DNAAF8: variants seen among roughly 807,000 people sequenced by gnomAD.
The protein encoded by DNAAF8 is dynein axonemal assembly factor 8.
In DNAAF8, 61 loss-of-function variants were observed where a neutral mutation model predicts 54.6. That is an observed-to-expected ratio of 1.12 (90% CI 0.91 to 1.38). The LOEUF is 1.38. Ranked by LOEUF, DNAAF8 falls within the 40% of genes most tolerant of loss-of-function variation. The pLI is 0.00. For synonymous variants in DNAAF8, 320 were observed against 270.1 expected (o/e 1.18, Z -1.81); for missense variants, 837 against 665.0 (o/e 1.26, Z -2.85).
rs745577763 is a variant in DNAAF8, at chr16:4,740,497, A to G, written c.621A>G (p.Ile207Met). 1 of 1,614,110 alleles carries G rather than the reference A, an allele frequency of 6.2e-7. No individual in the cohort carries two copies. The highest frequency in any genetic ancestry group is 8.5e-7 in the Non-Finnish European group (1 of 1,180,012). Reference protein sequence around the residue: ...RALRQERRKMIETDILQKVTR... With the variant: ...RALRQERRKMMETDILQKVTR... ...TCCGACAGGAGAGAAGGAAGATGAT[A>G]GAGACGGACATCCTCCAGAAAGTCA... The change falls in exon 4 of 10, where the codon ATA (isoleucine) becomes ATG (methionine). Residue 207 changes from isoleucine (I) to methionine (M), a missense_variant. Transcript: ENST00000299320.
chr16:4,739,143 A>AG (rs2081929080), intron 3 of DNAAF8, among the ~76,000 whole-genome samples: 1 of 151,974 alleles, frequency 6.6e-6, no homozygotes, highest in South Asian at 2.1e-4. Flanking sequence ...CACACAAGAG[A>AG]GATCCCCAGG....
chr16:4,737,131 A>AT (rs1209367747), intron 2 of DNAAF8, among the ~76,000 whole-genome samples: 1 of 152,196 alleles, frequency 6.6e-6, no homozygotes, highest in East Asian at 1.9e-4. Context: ...AGGTGCAGGC[A>AT]TAAGACCCTG....
Position 4,743,034 on chromosome 16 carries a change from T to A in DNAAF8, c.784-9T>A, listed in dbSNP as rs771727509. The A allele has an allele frequency of 1.9e-6, 3 of 1,592,442 alleles. No homozygotes were observed. The highest frequency in any genetic ancestry group is 2.6e-6 in the Non-Finnish European group (3 of 1,160,986). ...GCATCCTCATAATCACTGGTTTTAA[T>A]GATTTCAGCAACTTGAAGCGTGGGA... On this transcript the variant is annotated splice_polypyrimidine_tract_variant and intron_variant, in intron 4 of 9. Transcript: ENST00000299320.
chr16:4,745,952 CAAAAA>C (rs58259917), intron 6 of DNAAF8, among the ~76,000 whole-genome samples: 3 of 113,506 alleles, frequency 2.6e-5, no homozygotes, highest in Admixed American at 9.6e-5. Flanking sequence ...GACTCTGTCT[CAAAAA>C]AAAAAAAAAA....
At position 4,747,609 on chromosome 16, in the gene DNAAF8, C is replaced by T. The variant is rs750998553; in HGVS notation, c.1547C>T (p.Pro516Leu). The change falls in exon 9 of 10, where the codon CCT becomes CTT. Residue 516 changes from proline (P) to leucine (L), a missense_variant. By Grantham distance (98) the Pro-to-Leu change is moderately conservative (BLOSUM62 -3). Transcript: ENST00000299320. ...PGAAREALMP[P>L]LEQL ...GCAGCCAGGGAGGCCCTGATGCCTC[C>T]TCTGGAGCAACTATAGCTGCCTCAG... is the stretch of plus-strand genomic sequence containing the variant. The T allele has an allele frequency of 6.2e-7, 1 of 1,607,654 alleles. No homozygotes were observed. The highest frequency in any genetic ancestry group is 8.5e-7 in the Non-Finnish European group (1 of 1,177,432).
rs1220227414 is a variant in DNAAF8, at chr16:4,734,767, TG to T, written c.-52+72del. The T allele has an allele frequency of 3.3e-5, 5 of 151,518 alleles. 1 individual carries two copies. Among genetic ancestry groups the T allele is most frequent in the Admixed American group, 2.0e-4 (3 of 15,204 alleles). 9.4% of individuals were successfully genotyped at this position (151,518 alleles called of 1,614,324 possible). ...AACGCGGGGAAATACGGGCTGGGGG[TG>T]GGTGAGAGGAGGAGCGATGGGCTTT... On this transcript the variant is annotated intron_variant, in intron 1 of 9. Coordinates refer to ENST00000299320, the MANE Select transcript of DNAAF8 (RefSeq NM_139170.3).
Position 4,746,398 on chromosome 16 carries a change from C to T in DNAAF8, c.1067C>T (p.Ser356Phe), listed in dbSNP as rs61746912. Reference sequence around the variant, plus strand: ...AGATGTGCCTCAAGGAAGCAGGGCTCCCAGGCTGGGCCAGGCCCGCAGCTG... The same window carrying T: ...AGATGTGCCTCAAGGAAGCAGGGCTTCCAGGCTGGGCCAGGCCCGCAGCTG... ...GSRCASRKQG[S>F]QAGPGPQLAQ... Residue 356 changes from serine (S) to phenylalanine (F), a missense_variant, in exon 7 of 10, where the codon TCC becomes TTC. By Grantham distance (155) the Ser-to-Phe change is radical. Coordinates refer to ENST00000299320, the MANE Select transcript of DNAAF8 (RefSeq NM_139170.3). The T allele has an allele frequency of 0.065, 104,376 of 1,612,750 alleles. 4,922 individuals are homozygous for T. The highest frequency in any genetic ancestry group is 0.21 in the South Asian group (19,354 of 91,010).
chr16:4,746,832 G>T, intron 7 of DNAAF8, 95 bp from the exon 8 acceptor site: 1 of 1,177,108 alleles, frequency 8.5e-7, no homozygotes, highest in Non-Finnish European at 1.2e-6. Flanking sequence ...CTCTTGCATT[G>T]GGTCACCAGC....
At chr16:4,740,682 C>G in intron 4 of DNAAF8, 23 bp downstream of exon 4, 1 of 1,556,950 alleles carries the variant, frequency 6.4e-7, no homozygotes, top group Non-Finnish European at 8.6e-7. Context: ...CCGTGCCTGG[C>G]TGTTTCTCAG....
chr16:4,737,091 G>C, intron 2 of DNAAF8, among the ~76,000 whole-genome samples: 1 of 152,090 alleles, frequency 6.6e-6, no homozygotes, highest in Non-Finnish European at 1.5e-5. Context: ...CCCTGAAATG[G>C]CTCTCAAAGA....
In DNAAF8 at chr16:4,748,976, G is replaced by C. The variant is rs1017874607; in HGVS notation, c.*261G>C. ...ACTGGCCGCCAAGATCAGGGCTACA[G>C]ATGTCTGCTCTCTGGACCCCACGTG... is the stretch of plus-strand genomic sequence containing the variant. On this transcript the variant is annotated 3_prime_UTR_variant, in exon 10 of 10. Transcript: ENST00000299320. The C allele has an allele frequency of 6.6e-6, 1 of 152,312 alleles. No individual in the cohort carries two copies. Among genetic ancestry groups the C allele is most frequent in the Admixed American group, 6.5e-5 (1 of 15,284 alleles). The allele number at this position is 152,312 out of a possible 1,614,324, so 9.4% of individuals were successfully genotyped here.
At chr16:4,745,119 C>A in intron 6 of DNAAF8, 108 bp downstream of exon 6, 1 of 1,375,062 alleles carries the variant, frequency 7.3e-7, no homozygotes, top group Non-Finnish European at 9.9e-7. Context: ...TGCATTTTCT[C>A]AGTCACTCTC....
intron 9 of DNAAF8, among the ~76,000 whole-genome samples, chr16:4,748,030 T>G (rs2082039924): frequency 1.3e-5 from 2 of 152,094 alleles, no homozygotes; most frequent in East Asian, 3.8e-4. Flanking sequence ...TAAAACGTAT[T>G]TAGAGGATTT....
intron 1 of DNAAF8, among the ~76,000 whole-genome samples, chr16:4,736,263 A>G (rs1040303332): frequency 1.4e-5 from 2 of 144,660 alleles, no homozygotes; most frequent in African/African-American, 5.1e-5. Flanking sequence ...CAGGCTCCAC[A>G]TGTGTGCATG....
At chr16:4,748,000 A>G (rs2082039521) in intron 9 of DNAAF8, among the ~76,000 whole-genome samples, 1 of 152,120 alleles carries the variant, frequency 6.6e-6, no homozygotes, top group Non-Finnish European at 1.5e-5. Context: ...TCCATCAATA[A>G]GGTCTTTTTA....
chr16:4,747,186 C>A, intron 8 of DNAAF8, 157 bp from the exon 9 acceptor site: 1 of 1,227,802 alleles, frequency 8.1e-7, no homozygotes, highest in Non-Finnish European at 1.1e-6. Flanking sequence ...CCCACGTCCA[C>A]TGGGTCCCAG....
In DNAAF8 at chr16:4,740,263, CT is replaced by C; in HGVS notation, c.388del (p.Ser130LeufsTer65). The part of the protein sequence containing the change: ...GRDPGRPFES[S>X]GEVSALLGMA... ...GAGACCCTGGCAGGCCTTTTGAAAG[CT>C]CTGGTGAGGTCAGCGCTCTTCTTGG... On this transcript the variant is annotated frameshift_variant, in exon 4 of 10. Coordinates refer to ENST00000299320, the MANE Select transcript of DNAAF8 (RefSeq NM_139170.3). LOFTEE classifies it high-confidence loss of function. 1 of 1,614,020 alleles carries C rather than the reference CT, an allele frequency of 6.2e-7. No homozygotes were observed. The highest frequency in any genetic ancestry group is 8.5e-7 in the Non-Finnish European group (1 of 1,179,982).
rs1371605139 is a variant in DNAAF8 at position 4,740,462 on chromosome 16, C to CG, written c.587dup (p.Arg197ProfsTer30). ...CACTGCCTCACAAGAATCTGTGAAC[C>CG]GCCGGGCCCTCCGACAGGAGAGAAG... On this transcript the variant is annotated frameshift_variant, in exon 4 of 10. Transcript: ENST00000299320. LOFTEE classifies it high-confidence loss of function. The CG allele has an allele frequency of 1.2e-6, 2 of 1,613,878 alleles. No homozygotes were observed. Among genetic ancestry groups the CG allele is most frequent in the Non-Finnish European group, 1.7e-6 (2 of 1,179,956 alleles).
At chr16:4,739,265 G>GTTTTTTTTTTTTTTTGT (rs2081932137) in intron 3 of DNAAF8, among the ~76,000 whole-genome samples, 1 of 69,028 alleles carries the variant, frequency 1.4e-5, no homozygotes, top group Non-Finnish European at 2.6e-5. Flanking sequence ...ATTTTTTCTT[G>GTTTTTTTTTTTTTTTGT]TTTTTTTTTT....
Sources: allele counts gnomAD v4.1 joint callset (sites outside exome capture counted in the v4.1 genomes callset), GRCh38; gene constraint gnomAD v4.1.1; transcripts MANE v1.5; gene names NCBI Gene and HGNC (gene_info 2026-07-23, HGNC 2026-07-21).